The following NCAM1 variants were observed in gnomAD, a reference collection of about 807,000 sequenced individuals.
The protein encoded by NCAM1 is antigen recognized by monoclonal antibody 5.1H11.
A neutral mutation model predicts 109.8 loss-of-function variants in NCAM1; 14 were observed. The ratio of observed to expected loss-of-function variants is 0.13; its 90% confidence interval spans 0.08 to 0.20. NCAM1 has a LOEUF of 0.20. Ranked by LOEUF, NCAM1 falls within the 10% of genes least tolerant of loss-of-function variation. The pLI, the probability that NCAM1 is intolerant of heterozygous loss-of-function variation, is 1.00. For synonymous variants in NCAM1, 418 were observed against 442.9 expected (o/e 0.94, Z 0.70); for missense variants, 774 against 1,109.9 (o/e 0.70, Z 4.30).
At chr11:113,201,125 G>A (rs577066820) in intron 1 of NCAM1, among the ~76,000 whole-genome samples, 7 of 151,952 alleles carry the variant, frequency 4.6e-5, no homozygotes, top group Admixed American at 2.6e-4. Context: ...GGCTTTCTCC[G>A]TGACCTGCCT....
intron 1 of NCAM1, among the ~76,000 whole-genome samples, chr11:113,020,648 AT>A (rs782418493): frequency 1.2e-4 from 18 of 152,182 alleles, no homozygotes; most frequent in Admixed American, 5.2e-4. Context: ...ATAGGGACAT[AT>A]CTCTGTTGAT....
chr11:113,089,413 T>A (rs1555088954), intron 1 of NCAM1, among the ~76,000 whole-genome samples: 1 of 152,058 alleles, frequency 6.6e-6, no homozygotes, highest in African/African-American at 2.4e-5. Flanking sequence ...AGCTATTAAT[T>A]AAGTTTACGT....
At chr11:113,026,879 C>T (rs988937959) in intron 1 of NCAM1, among the ~76,000 whole-genome samples, 1 of 152,172 alleles carries the variant, frequency 6.6e-6, no homozygotes, top group Non-Finnish European at 1.5e-5. Flanking sequence ...TTACCTCATG[C>T]CAGATATTTA....
chr11:112,979,770 C>T (rs1951104462), intron 1 of NCAM1, among the ~76,000 whole-genome samples: 2 of 151,768 alleles, frequency 1.3e-5, no homozygotes, highest in African/African-American at 2.4e-5. Flanking sequence ...AATGGGCTCC[C>T]ATAATTTTTG....
At chr11:113,053,948 G>A (rs782648500) in intron 1 of NCAM1, among the ~76,000 whole-genome samples, 6 of 152,196 alleles carry the variant, frequency 3.9e-5, no homozygotes, top group Non-Finnish European at 7.3e-5. Context: ...CATAGGTCTA[G>A]GCAGGGGTGG....
chr11:113,199,194 A>G (rs925119678), intron 1 of NCAM1, among the ~76,000 whole-genome samples: 6 of 152,238 alleles, frequency 3.9e-5, no homozygotes, highest in African/African-American at 1.4e-4. Flanking sequence ...TGTTTACATA[A>G]GTGCCTTTTA....
intron 1 of NCAM1, among the ~76,000 whole-genome samples, chr11:113,110,197 T>C (rs1391234863): frequency 1.4e-5 from 2 of 146,226 alleles, no homozygotes; most frequent in Non-Finnish European, 3.0e-5. Context: ...GGATGAGGAT[T>C]AGATGTTCTA....
At chr11:113,266,778 C>T (rs1239868467) in intron 17 of NCAM1, among the ~76,000 whole-genome samples, 1 of 152,206 alleles carries the variant, frequency 6.6e-6, no homozygotes, top group Non-Finnish European at 1.5e-5. Context: ...ATGGGACCTA[C>T]CGAGCATTTT....
chr11:113,022,011 A>G (rs2135248088), intron 1 of NCAM1, among the ~76,000 whole-genome samples: 1 of 152,340 alleles, frequency 6.6e-6, no homozygotes, highest in African/African-American at 2.4e-5. Flanking sequence ...ATTTTAAAAT[A>G]GGAATTATAT....
chr11:113,172,231 C>T (rs755009956), intron 1 of NCAM1, among the ~76,000 whole-genome samples: 12 of 152,134 alleles, frequency 7.9e-5, no homozygotes, highest in Admixed American at 2.0e-4. Context: ...AGTTTTGTCC[C>T]GTCAGCCCAG....
intron 14 of NCAM1, chr11:113,242,762 C>T (rs1257014549): frequency 5.1e-6 from 8 of 1,560,772 alleles, no homozygotes; most frequent in Non-Finnish European, 7.1e-6. Context: ...TCCATTCTCT[C>T]CTTCACCTTT....
At chr11:113,229,939 G>C (rs1284801353) in intron 9 of NCAM1, among the ~76,000 whole-genome samples, 3 of 152,066 alleles carry the variant, frequency 2.0e-5, no homozygotes, top group Non-Finnish European at 2.9e-5. Flanking sequence ...GTTGTGGGGT[G>C]GGGGGAGCGG....
chr11:113,100,852 C>T (rs971799425), intron 1 of NCAM1, among the ~76,000 whole-genome samples: 14 of 152,094 alleles, frequency 9.2e-5, no homozygotes, highest in South Asian at 6.2e-4. Flanking sequence ...GGGGCTTTTG[C>T]GAAGGAACTG....
At position 113,275,328 on chromosome 11, in the gene NCAM1, G is replaced by A. The variant is rs1555126347; in HGVS notation, c.2518G>A (p.Glu840Lys). Residue 840 changes from glutamate to lysine, a missense_variant, in exon 20 of 20, where the codon GAA (glutamate) becomes AAA (lysine). Around this residue, in one of 4 missense-constraint regions of NCAM1, gnomAD observed 122 missense variants for 129.7 expected, o/e 0.94. Transcript: ENST00000316851. ...QETETKPAPA[E>K]VKTVPNDATQ... ...GACAGAAACGAAGCCAGCGCCAGCC[G>A]AAGTCAAGACGGTCCCCAATGACGC... The A allele has an allele frequency of 1.1e-5, 17 of 1,613,528 alleles. No homozygotes were observed. Among genetic ancestry groups the A allele is most frequent in the East Asian group, 2.2e-5 (1 of 44,862 alleles).
intron 8 of NCAM1, among the ~76,000 whole-genome samples, chr11:113,219,969 T>G (rs1206395232): frequency 6.6e-6 from 1 of 152,222 alleles, no homozygotes; most frequent in African/African-American, 2.4e-5. Flanking sequence ...AAAAGTTCCT[T>G]GCATTTAGTG....
chr11:113,267,322 G>C (rs532253817), intron 17 of NCAM1, among the ~76,000 whole-genome samples: 20 of 152,240 alleles, frequency 1.3e-4, no homozygotes, highest in African/African-American at 2.6e-4. Flanking sequence ...GATGTCCTAG[G>C]GGGGATGGCT....
chr11:113,014,536 G>A (rs1952159532), intron 1 of NCAM1, among the ~76,000 whole-genome samples: 1 of 152,164 alleles, frequency 6.6e-6, no homozygotes, highest in African/African-American at 2.4e-5. Flanking sequence ...CGTAAAGAAG[G>A]ACTTTTATTG....
chr11:113,023,951 A>C (rs943997558), intron 1 of NCAM1, among the ~76,000 whole-genome samples: 1 of 152,130 alleles, frequency 6.6e-6, no homozygotes, highest in African/African-American at 2.4e-5. Context: ...TCACAGACAC[A>C]GGTTTGCAAC....
At chr11:113,242,294 CT>C (rs1555119264) in intron 14 of NCAM1, among the ~76,000 whole-genome samples, 1 of 152,148 alleles carries the variant, frequency 6.6e-6, no homozygotes, top group African/African-American at 2.4e-5. Flanking sequence ...CTGATCATCT[CT>C]TTTAAATATG....
Sources: gnomAD v4.1 joint callset for allele counts (sites outside exome capture counted in the v4.1 genomes callset) on GRCh38, gnomAD v4.1.1 for gene constraint, gnomAD v4.1.1 regional missense constraint, MANE v1.5 for transcripts, NCBI Gene and HGNC (gene_info 2026-07-23, HGNC 2026-07-21) for gene names.